The following COMMD1 variants were observed in gnomAD, a reference collection of about 807,000 sequenced individuals.
COMMD1 encodes the protein COMM domain-containing protein 1.
COMMD1 carries 10 observed loss-of-function variants against 17.2 expected under a neutral mutation model. That is an observed-to-expected ratio of 0.58 (90% CI 0.36 to 0.99). The LOEUF (loss-of-function observed/expected upper bound fraction) is 0.99, where lower values mean the gene tolerates loss of function less well. COMMD1 is among the 50% of genes least tolerant of loss of function. The pLI is 0.01. For synonymous variants in COMMD1, 97 were observed against 91.6 expected (o/e 1.06, Z -0.34); for missense variants, 270 against 231.8 (o/e 1.17, Z -1.07).
At chr2:62,132,468 T>A (rs1225778230) in intron 2 of COMMD1, among the ~76,000 whole-genome samples, 1 of 152,178 alleles carries the variant, frequency 6.6e-6, no homozygotes, top group East Asian at 1.9e-4. Flanking sequence ...CTACATCATC[T>A]TTTTTATCAA....
At chr2:61,954,662 AT>A (rs998114024) in intron 1 of COMMD1, among the ~76,000 whole-genome samples, 1 of 151,570 alleles carries the variant, frequency 6.6e-6, no homozygotes, top group Non-Finnish European at 1.5e-5. Flanking sequence ...AGGCTAAACC[AT>A]TATGCTTCAC....
chr2:62,049,419 T>C (rs13416970), intron 2 of COMMD1, among the ~76,000 whole-genome samples: 37 of 152,238 alleles, frequency 2.4e-4, no homozygotes, highest in African/African-American at 8.4e-4. Flanking sequence ...GGAGGGATTG[T>C]CCCCCAGGGG....
intron 1 of COMMD1, among the ~76,000 whole-genome samples, chr2:61,985,597 G>C (rs1672085922): frequency 6.6e-6 from 1 of 151,814 alleles, no homozygotes; most frequent in Non-Finnish European, 1.5e-5. Flanking sequence ...ATTTTATTTG[G>C]TGGTATGTTT....
chr2:61,949,194 T>G (rs545917146), intron 1 of COMMD1, among the ~76,000 whole-genome samples: 1 of 152,048 alleles, frequency 6.6e-6, no homozygotes, highest in African/African-American at 2.4e-5. Context: ...GGGAAAGAGC[T>G]AGTGCTGCCG....
intron 2 of COMMD1, among the ~76,000 whole-genome samples, chr2:62,128,599 A>ACCTC (rs1430932775): frequency 6.6e-6 from 1 of 151,874 alleles, no homozygotes; most frequent in Non-Finnish European, 1.5e-5. Flanking sequence ...TCTTCTGCCT[A>ACCTC]CCTCCCTCCC....
At chr2:62,015,405 T>C (rs1026408683) in intron 2 of COMMD1, among the ~76,000 whole-genome samples, 1 of 152,250 alleles carries the variant, frequency 6.6e-6, no homozygotes, top group Admixed American at 6.5e-5. Context: ...ATACCACATT[T>C]TGTTTATCCA....
At chr2:62,009,436 C>T (rs1004258042) in intron 2 of COMMD1, among the ~76,000 whole-genome samples, 3 of 152,028 alleles carry the variant, frequency 2.0e-5, no homozygotes, top group East Asian at 3.9e-4. Flanking sequence ...AAAACCCAGT[C>T]TCTACTGAAA....
At chr2:61,976,447 G>A (rs968214152) in intron 1 of COMMD1, among the ~76,000 whole-genome samples, 1 of 152,050 alleles carries the variant, frequency 6.6e-6, no homozygotes, top group Non-Finnish European at 1.5e-5. Context: ...ATGATAAAGA[G>A]GTCAGTTCTC....
In COMMD1 at chr2:61,893,415, A is replaced by G. The variant is rs550439331; in HGVS notation, n.119+4573A>G. 8.9e-4 allele frequency among the ~76,000 whole-genome samples: 136 copies of G among 152,144 alleles called. 4 individuals are homozygous for G. Among genetic ancestry groups the G allele is most frequent in the African/African-American group, 3.0e-3 (126 of 41,380 alleles). On this transcript the variant is annotated intron_variant and non_coding_transcript_variant, in intron 1 of 2. Coordinates refer to the COMMD1 transcript ENST00000472729. ...AATGAAAATGGGAAGAGGAAAAGCC[A>G]AAGGAGGGTGCTGGCAAACTTAGAA... is the stretch of plus-strand genomic sequence containing the variant.
At chr2:62,063,225 AAT>A (rs1163208060) in intron 2 of COMMD1, among the ~76,000 whole-genome samples, 1 of 152,110 alleles carries the variant, frequency 6.6e-6, no homozygotes, top group Non-Finnish European at 1.5e-5. Context: ...CAAAAATAAA[AAT>A]AAAATAAAAT....
At chr2:61,929,777 A>G (rs1440850522) in intron 1 of COMMD1, among the ~76,000 whole-genome samples, 2 of 152,090 alleles carry the variant, frequency 1.3e-5, no homozygotes, top group East Asian at 1.9e-4. Context: ...ACAAAAAATT[A>G]GTTGGGTATG....
intron 2 of COMMD1, chr2:62,084,769 A>G (rs541322326): frequency 3.3e-5 from 5 of 152,332 alleles, no homozygotes; most frequent in East Asian, 1.9e-4. Context: ...CATAGGCTCC[A>G]TCACTGTTAT....
intron 1 of COMMD1, among the ~76,000 whole-genome samples, chr2:61,897,628 A>T (rs1037679279): frequency 2.6e-5 from 4 of 152,160 alleles, no homozygotes; most frequent in African/African-American, 9.7e-5. Context: ...GCATGCCTGT[A>T]ATCCCAGTTA....
chr2:62,108,234 C>G (rs572464798), intron 2 of COMMD1, among the ~76,000 whole-genome samples: 2 of 152,286 alleles, frequency 1.3e-5, no homozygotes, highest in South Asian at 4.1e-4. Flanking sequence ...CATCCTTTCA[C>G]AGGCAGAGAA....
At chr2:61,966,761 T>C (rs901227046) in intron 1 of COMMD1, among the ~76,000 whole-genome samples, 5 of 152,050 alleles carry the variant, frequency 3.3e-5, no homozygotes, top group African/African-American at 4.8e-5. Context: ...AATTGAAAAT[T>C]GTTAAATGTA....
intron 2 of COMMD1, among the ~76,000 whole-genome samples, chr2:62,006,363 AAG>A (rs977886841): frequency 5.9e-5 from 9 of 152,062 alleles, no homozygotes; most frequent in Non-Finnish European, 1.0e-4. Flanking sequence ...TAAAAAAAAA[AAG>A]AAAATTGGAA....
intron 1 of COMMD1, among the ~76,000 whole-genome samples, chr2:61,937,948 C>G (rs1167474061): frequency 6.6e-6 from 1 of 152,080 alleles, no homozygotes; most frequent in Non-Finnish European, 1.5e-5. Flanking sequence ...CAAAACTCGC[C>G]CTTACACTCT....
chr2:61,920,982 T>TA (rs1553367990), intron 1 of COMMD1, among the ~76,000 whole-genome samples: 55,909 of 105,878 alleles, frequency 0.53, 11,554 homozygotes, highest in South Asian at 0.61. Context: ...TATATATATA[T>TA]TTTTTTTTTT....
At chr2:62,041,512 C>T (rs1205668708) in intron 2 of COMMD1, among the ~76,000 whole-genome samples, 1 of 152,128 alleles carries the variant, frequency 6.6e-6, no homozygotes. Context: ...CCCAAGCAAT[C>T]CTCCTACCTT....
Sources: allele counts gnomAD v4.1 joint callset (sites outside exome capture counted in the v4.1 genomes callset), GRCh38; gene constraint gnomAD v4.1.1; transcripts MANE v1.5; gene names NCBI Gene and HGNC (gene_info 2026-07-23, HGNC 2026-07-21).